Variants in ZFPM2 observed in about 807,000 individuals in gnomAD.
The protein encoded by ZFPM2 is zinc finger protein ZFPM2.
Under a neutral mutation model 98.6 loss-of-function variants are expected in ZFPM2, and 20 were observed. The observed-to-expected ratio is 0.20, with a 90% CI of 0.14 to 0.29. ZFPM2 has a LOEUF of 0.29. ZFPM2 is among the 10% of genes least tolerant of loss of function. The probability of loss-of-function intolerance (pLI) is 1.00; values close to 1 mark genes in which losing one functional copy is unlikely to be tolerated. For synonymous variants in ZFPM2, 518 were observed against 502.7 expected, an observed-to-expected ratio of 1.03 and a Z score of -0.41; for missense variants, 1,310 against 1,388.6, an observed-to-expected ratio of 0.94 and a Z score of 0.90.
intron 1 of ZFPM2, among the ~76,000 whole-genome samples, chr8:105,393,333 T>TGTC (rs370622164): frequency 3.8e-4 from 35 of 92,984 alleles, no homozygotes; most frequent in South Asian, 1.3e-3. Context: ...TCTCTCTCTC[T>TGTC]TTGCCTTTCT....
chr8:105,538,788 G>T (rs1259308848), intron 3 of ZFPM2, among the ~76,000 whole-genome samples: 1 of 152,076 alleles, frequency 6.6e-6, no homozygotes, highest in African/African-American at 2.4e-5. Flanking sequence ...GCAGTGGGAA[G>T]ATCGCTTGAG....
At chr8:105,461,305 C>T (rs545957759) in intron 3 of ZFPM2, among the ~76,000 whole-genome samples, 3 of 152,170 alleles carry the variant, frequency 2.0e-5, no homozygotes, top group Non-Finnish European at 1.5e-5. Context: ...TATTCAAATA[C>T]AGTAAAATGA....
intron 5 of ZFPM2, among the ~76,000 whole-genome samples, chr8:105,725,331 T>C (rs1811782246): frequency 6.6e-6 from 1 of 151,872 alleles, no homozygotes; most frequent in African/African-American, 2.4e-5. Flanking sequence ...GAAAAAAAAT[T>C]CTCTGATACA....
chr8:105,544,736 G>A (rs1354659139), intron 3 of ZFPM2, among the ~76,000 whole-genome samples: 1 of 152,138 alleles, frequency 6.6e-6, no homozygotes, highest in Non-Finnish European at 1.5e-5. Context: ...TAAGAAAAGT[G>A]ACCCCCCAAA....
At chr8:105,454,084 G>T (rs1812539216) in intron 3 of ZFPM2, among the ~76,000 whole-genome samples, 1 of 151,876 alleles carries the variant, frequency 6.6e-6, no homozygotes, top group Non-Finnish European at 1.5e-5. Flanking sequence ...TCTAGGGTTG[G>T]TTTATTGGAA....
chr8:105,678,156 TCTG>T (rs1158997305), intron 5 of ZFPM2, among the ~76,000 whole-genome samples: 1 of 152,182 alleles, frequency 6.6e-6, no homozygotes, highest in Admixed American at 6.5e-5. Flanking sequence ...CAAAATTAAT[TCTG>T]CAGTGAAAGA....
chr8:105,431,723 G>A (rs1812023656), intron 2 of ZFPM2, among the ~76,000 whole-genome samples: 1 of 151,964 alleles, frequency 6.6e-6, no homozygotes, highest in African/African-American at 2.4e-5. Context: ...ACACCAGGTT[G>A]GCAACATAGG....
chr8:105,803,599 GAA>G lies in ZFPM2; in HGVS notation c.*69_*70del. On this transcript the variant is annotated 3_prime_UTR_variant, in exon 8 of 8. Transcript: ENST00000407775. The stretch of plus-strand genomic sequence containing the variant: ...TTAGTATGTTGTTCTAACCAGTCCA[GAA>G]AAAAAAATAAGCTGTTTGAATTACA... 1 of 1,415,474 alleles carries G rather than the reference GAA, an allele frequency of 7.1e-7. No individual in the cohort carries two copies. The highest frequency in any genetic ancestry group is 9.5e-7 in the Non-Finnish European group (1 of 1,047,846). 87.7% of individuals were successfully genotyped at this position (1,415,474 alleles called of 1,614,324 possible).
chr8:105,619,177 G>A (rs1816478419), intron 4 of ZFPM2, among the ~76,000 whole-genome samples: 1 of 151,930 alleles, frequency 6.6e-6, no homozygotes, highest in South Asian at 2.1e-4. Context: ...GGTTCAATTT[G>A]TCATGAAAAT....
At chr8:105,435,420 T>G (rs1336125705) in intron 2 of ZFPM2, among the ~76,000 whole-genome samples, 1 of 152,178 alleles carries the variant, frequency 6.6e-6, no homozygotes, top group Non-Finnish European at 1.5e-5. Flanking sequence ...AAATTTCTAT[T>G]TAAAAGTATA....
At chr8:105,762,118 T>G (rs1047450324) in intron 5 of ZFPM2, among the ~76,000 whole-genome samples, 4 of 152,006 alleles carry the variant, frequency 2.6e-5, no homozygotes, top group Non-Finnish European at 2.9e-5. Flanking sequence ...TCGGATTCTT[T>G]TTGTACTGCT....
At chr8:105,799,655 C>A (rs930287742) in intron 7 of ZFPM2, among the ~76,000 whole-genome samples, 10 of 152,146 alleles carry the variant, frequency 6.6e-5, no homozygotes, top group African/African-American at 2.2e-4. Flanking sequence ...TTCTAATTAT[C>A]ATATTTTTTA....
chr8:105,329,332 TTC>T (rs1281897448), intron 1 of ZFPM2, among the ~76,000 whole-genome samples: 3 of 151,852 alleles, frequency 2.0e-5, no homozygotes, highest in African/African-American at 7.2e-5. Flanking sequence ...ATTTCATTCT[TTC>T]TCTTTTAGGT....
intron 5 of ZFPM2, among the ~76,000 whole-genome samples, chr8:105,762,222 A>C (rs752089846): frequency 2.6e-5 from 4 of 151,978 alleles, no homozygotes; most frequent in Admixed American, 1.3e-4. Flanking sequence ...CTACTCAAGA[A>C]TATATGTACT....
At chr8:105,552,812 C>CTTT (rs781365155) in intron 3 of ZFPM2, among the ~76,000 whole-genome samples, 2 of 112,464 alleles carry the variant, frequency 1.8e-5, no homozygotes, top group African/African-American at 3.2e-5. Flanking sequence ...TTCAGATGTT[C>CTTT]TTTTTTTTTT....
chr8:105,571,634 T>G (rs1228415205), intron 4 of ZFPM2, among the ~76,000 whole-genome samples: 1 of 152,206 alleles, frequency 6.6e-6, no homozygotes, highest in Non-Finnish European at 1.5e-5. Flanking sequence ...GTAACAAATA[T>G]TGTGCCAGCA....
chr8:105,731,406 A>T (rs890159783), intron 5 of ZFPM2, among the ~76,000 whole-genome samples: 1 of 151,658 alleles, frequency 6.6e-6, no homozygotes, highest in Non-Finnish European at 1.5e-5. Context: ...GAAGCATGCT[A>T]TAATATCTGT....
intron 3 of ZFPM2, among the ~76,000 whole-genome samples, chr8:105,506,246 A>G (rs1284758176): frequency 2.0e-5 from 3 of 152,304 alleles, no homozygotes; most frequent in East Asian, 3.9e-4. Context: ...ATTATACTCA[A>G]CCTACTCCAC....
rs548159653 is a variant in ZFPM2, at chr8:105,404,321, C to A, written c.41-14823C>A. Among the ~76,000 whole-genome samples, 19 of 151,998 alleles carry A rather than the reference C, an allele frequency of 1.3e-4. No homozygotes were observed. The East Asian group carries it at 3.5e-3, about 28-fold the overall frequency. ...GTGGAAAATAGAATTTATTGTCTAG[C>A]CTATTTTAGAATTTTTTTCATTGGA... On this transcript the variant is annotated intron_variant, in intron 1 of 7. Transcript: ENST00000407775.
Sources: allele counts gnomAD v4.1 joint callset (sites outside exome capture counted in the v4.1 genomes callset), GRCh38; gene constraint gnomAD v4.1.1; transcripts MANE v1.5; gene names NCBI Gene and HGNC (gene_info 2026-07-23, HGNC 2026-07-21).